ARHGAP23: variants seen among roughly 807,000 people sequenced by gnomAD.
ARHGAP23 encodes the protein Rho GTPase activating protein 23.
Under a neutral mutation model 136.3 loss-of-function variants are expected in ARHGAP23, and 34 were observed. The observed-to-expected ratio is 0.25, with a 90% CI of 0.19 to 0.33. The LOEUF (loss-of-function observed/expected upper bound fraction) is 0.33, where lower values mean the gene tolerates loss of function less well. Ranked by LOEUF, ARHGAP23 falls within the 10% of genes least tolerant of loss-of-function variation. The probability of loss-of-function intolerance (pLI) is 1.00; values close to 1 mark genes in which losing one functional copy is unlikely to be tolerated. For missense variants in ARHGAP23, 1,808 were observed against 2,139.0 expected, an observed-to-expected ratio of 0.85 and a Z score of 3.05; for synonymous variants, 832 against 920.5, an observed-to-expected ratio of 0.90 and a Z score of 1.74.
At chr17:38,500,892 A>T (rs2040504181) in intron 23 of ARHGAP23, 4 of 515,296 alleles carry the variant, frequency 7.8e-6, no homozygotes, top group Non-Finnish European at 1.4e-5. Context: ...AGTTAGAAGC[A>T]CAGACTCTGC....
In ARHGAP23 at chr17:38,510,082, G is replaced by A; in HGVS notation, c.3586G>A (p.Glu1196Lys). 1 of 1,241,724 alleles carries A rather than the reference G, an allele frequency of 8.1e-7. No homozygotes were observed. Among genetic ancestry groups the A allele is most frequent in the Non-Finnish European group, 1.0e-6 (1 of 994,988 alleles). The allele number at this position is 1,241,724 out of a possible 1,614,324, so 76.9% of individuals were successfully genotyped here. A position where few individuals can be genotyped will look rare whatever the true frequency, so the allele number is the denominator to read the frequency against. The change falls in exon 24 of 24, where the codon GAG becomes AAG. Residue 1196 changes from glutamate (E) to lysine (K), a missense_variant. By Grantham distance (56) the Glu-to-Lys change is moderately conservative (BLOSUM62 1). Around this residue, in one of 7 missense-constraint regions of ARHGAP23, gnomAD observed 104 missense variants for 131.8 expected, o/e 0.79. Transcript: ENST00000622683. The surrounding 1 kb of genome is among the most constrained non-coding windows in gnomAD (Gnocchi z 4.6). Reference sequence around the variant, plus strand: ...CAGCACCGACGACGACTCGGAGCAGGAGGCGCACAAGCCTGGGGCGGGGGC... The same window carrying A: ...CAGCACCGACGACGACTCGGAGCAGAAGGCGCACAAGCCTGGGGCGGGGGC... Reference protein sequence around the residue: ...GSSTDDDSEQEAHKPGAGATA... With the variant: ...GSSTDDDSEQKAHKPGAGATA...
chr17:38,472,945 T>C (rs1434328603), intron 11 of ARHGAP23, among the ~76,000 whole-genome samples: 2 of 152,160 alleles, frequency 1.3e-5, no homozygotes, highest in African/African-American at 4.8e-5. Flanking sequence ...GCTATTTGTT[T>C]TCTTTTTTTG....
intron 17 of ARHGAP23, among the ~76,000 whole-genome samples, chr17:38,488,397 T>G (rs1241315504): frequency 6.6e-6 from 1 of 152,248 alleles, no homozygotes; most frequent in Non-Finnish European, 1.5e-5. Flanking sequence ...GTTGCGTTGT[T>G]TATCTTTTTC....
chr17:38,510,599 G>A lies in ARHGAP23; in HGVS notation c.4103G>A (p.Arg1368His). 7.8e-7 allele frequency: 1 copy of A among 1,285,658 alleles called. No homozygotes were observed. Among genetic ancestry groups the A allele is most frequent in the Non-Finnish European group, 9.8e-7 (1 of 1,020,568 alleles). 79.6% of individuals were successfully genotyped at this position (1,285,658 alleles called of 1,614,324 possible). A position where few individuals can be genotyped will look rare whatever the true frequency, so the allele number is the denominator to read the frequency against. The change falls in exon 24 of 24, where the codon CGC (arginine) becomes CAC (histidine). Residue 1368 changes from arginine to histidine, a missense_variant. Coordinates refer to ENST00000622683, the MANE Select transcript of ARHGAP23 (RefSeq NM_001199417.2). The surrounding 1 kb of genome is among the most constrained non-coding windows in gnomAD (Gnocchi z 4.6). ...PAAALASRPS[R>H]MEALRLRLRG... ...GCGGCGCTGGCCTCCCGGCCCTCGC[G>A]CATGGAGGCGCTGCGTCTAAGGCTC...
chr17:38,460,163 A>G (rs1423094194), intron 2 of ARHGAP23, among the ~76,000 whole-genome samples: 1 of 152,156 alleles, frequency 6.6e-6, no homozygotes, highest in Non-Finnish European at 1.5e-5. Flanking sequence ...GTCTAGTGCC[A>G]TCACCTACCA....
rs553312268 is a variant in ARHGAP23 at position 38,454,783 on chromosome 17, C to T, written c.64-3319C>T. Among the ~76,000 whole-genome samples, 3 of 152,292 alleles carry T rather than the reference C, an allele frequency of 2.0e-5. No individual in the cohort carries two copies. The South Asian group carries it at 6.2e-4, about 32-fold the overall frequency. The stretch of plus-strand genomic sequence containing the variant: ...CCCTGCAATGACCTCTTTATGCTCC[C>T]GGGGGGAGGAGCAGGGCTCCTGGGT... On this transcript the variant is annotated intron_variant, in intron 1 of 23. Transcript: ENST00000622683.
chr17:38,479,539 G>A, intron 13 of ARHGAP23, 42 bp downstream of exon 13: 1 of 1,537,130 alleles, frequency 6.5e-7, no homozygotes, highest in South Asian at 1.2e-5. Context: ...CTGTGGGGGT[G>A]GTAGGGGGCT....
chr17:38,422,653 C>T (rs1042434151), intron 1 of ARHGAP23, among the ~76,000 whole-genome samples: 1 of 152,200 alleles, frequency 6.6e-6, no homozygotes, highest in Non-Finnish European at 1.5e-5. Context: ...CAGCCTCTCG[C>T]TCCCGCCGTA....
chr17:38,457,784 T>G, intron 1 of ARHGAP23: 1 of 470,936 alleles, frequency 2.1e-6, no homozygotes, highest in Non-Finnish European at 3.8e-6. Flanking sequence ...CTGCACATAG[T>G]AGGTGCTCAG....
At chr17:38,453,021 T>G (rs116548379) in intron 1 of ARHGAP23, among the ~76,000 whole-genome samples, 1,583 of 152,268 alleles carry the variant, frequency 0.01, 21 homozygotes, top group African/African-American at 0.036. Flanking sequence ...TGTGTAGCAC[T>G]CGAGGGGCTG....
intron 15 of ARHGAP23, 62 bp downstream of exon 15, chr17:38,482,205 G>C: frequency 6.5e-7 from 1 of 1,529,870 alleles, no homozygotes; most frequent in Non-Finnish European, 8.8e-7. Context: ...CAGAGGGTCA[G>C]AGCAGCAAGG....
chr17:38,448,530 A>C (rs1196778577), intron 1 of ARHGAP23, among the ~76,000 whole-genome samples: 3 of 151,984 alleles, frequency 2.0e-5, no homozygotes, highest in Admixed American at 1.3e-4. Context: ...AACTCACCCA[A>C]AGTCTCATAT....
rs1251779343 is a variant in ARHGAP23, at chr17:38,479,503, G to A, written c.2498+6G>A. On this transcript the variant is annotated splice_donor_region_variant and intron_variant, in intron 13 of 23. Coordinates refer to ENST00000622683, the MANE Select transcript of ARHGAP23 (RefSeq NM_001199417.2). ...AACGATTATCGCAAAGTGAGGTGAG[G>A]CCCAGCCCTCGTGGAGCAGTCTCCT... 1 of 1,548,292 alleles carries A rather than the reference G, an allele frequency of 6.5e-7. No homozygotes were observed. Among genetic ancestry groups the A allele is most frequent in the East Asian group, 2.4e-5 (1 of 40,868 alleles).
At chr17:38,493,512 G>T (rs2040324899) in intron 20 of ARHGAP23, among the ~76,000 whole-genome samples, 1 of 152,166 alleles carries the variant, frequency 6.6e-6, no homozygotes, top group African/African-American at 2.4e-5. Flanking sequence ...TTTCTACTCA[G>T]AGATTCATTC....
At chr17:38,422,404 G>A (rs2038528267) in intron 1 of ARHGAP23, among the ~76,000 whole-genome samples, 1 of 152,194 alleles carries the variant, frequency 6.6e-6, no homozygotes, top group Admixed American at 6.5e-5. Flanking sequence ...GCATCTTTGA[G>A]CCTCGCGCAC....
chr17:38,461,745 A>C (rs2039465198), intron 3 of ARHGAP23, among the ~76,000 whole-genome samples: 1 of 151,928 alleles, frequency 6.6e-6, no homozygotes. Flanking sequence ...GGGGGATGTG[A>C]GTATTAGGTG....
At chr17:38,438,542 T>C (rs2038854554) in intron 1 of ARHGAP23, among the ~76,000 whole-genome samples, 1 of 151,998 alleles carries the variant, frequency 6.6e-6, no homozygotes, top group Admixed American at 6.6e-5. Flanking sequence ...CCCTCCCCCA[T>C]CAGGTCGTAT....
intron 1 of ARHGAP23, among the ~76,000 whole-genome samples, chr17:38,434,897 G>T (rs1167584257): frequency 6.6e-6 from 1 of 152,214 alleles, no homozygotes; most frequent in African/African-American, 2.4e-5. Context: ...CTGCTTCTGA[G>T]AGCCCCCGAA....
chr17:38,500,777 G>A, intron 23 of ARHGAP23, 149 bp downstream of exon 23: 1 of 731,716 alleles, frequency 1.4e-6, no homozygotes, highest in Middle Eastern at 3.8e-4. Flanking sequence ...GAGTGCCCAA[G>A]GTAAGCTGAG....
Sources: allele counts gnomAD v4.1 joint callset (sites outside exome capture counted in the v4.1 genomes callset), GRCh38; gene constraint gnomAD v4.1.1; regional missense constraint gnomAD v4.1.1; non-coding constraint Gnocchi (gnomAD v3.1); transcripts MANE v1.5; gene names NCBI Gene and HGNC (gene_info 2026-07-23, HGNC 2026-07-21).